The following LRRC27 variants were observed in gnomAD, a reference collection of about 807,000 sequenced individuals.
LRRC27 encodes leucine-rich repeat-containing protein 27.
LRRC27 carries 57 observed loss-of-function variants against 55.0 expected under a neutral mutation model. The observed-to-expected ratio is 1.04, with a 90% CI of 0.84 to 1.29. LRRC27 has a LOEUF of 1.29. Among genes scored for constraint, LRRC27 ranks in the 50% most tolerant of loss-of-function variants. LRRC27 has a pLI of 0.00. For missense variants in LRRC27, 721 were observed against 651.5 expected, an observed-to-expected ratio of 1.11 and a Z score of -1.16; for synonymous variants, 278 against 251.9, an observed-to-expected ratio of 1.10 and a Z score of -0.98.
chr10:132,364,497 C>CCACA (rs1564853743), intron 9 of LRRC27, among the ~76,000 whole-genome samples: 8 of 16,158 alleles, frequency 5.0e-4, no homozygotes, highest in African/African-American at 8.8e-4. Context: ...TTACACCCAC[C>CCACA]CTTACATCTA....
intron 9 of LRRC27, 94 bp from the exon 10 acceptor site, chr10:132,365,330 G>A (rs1291232473): frequency 1.3e-6 from 2 of 1,540,510 alleles, no homozygotes; most frequent in Non-Finnish European, 1.8e-6. Context: ...GGTCTGGGAA[G>A]AAAGGCACAT....
chr10:132,353,108 C>A, intron 7 of LRRC27: 1 of 1,485,398 alleles, frequency 6.7e-7, no homozygotes, highest in East Asian at 2.5e-5. Context: ...ACAGCCACAG[C>A]ACCCCCGTGC....
intron 8 of LRRC27, among the ~76,000 whole-genome samples, chr10:132,356,455 G>A (rs371357674): frequency 6.7e-5 from 8 of 119,832 alleles, no homozygotes; most frequent in South Asian, 3.2e-4. Context: ...CCTGAGTACC[G>A]TCCCCCAAGA....
chr10:132,363,706 A>T (rs2474335), intron 9 of LRRC27, among the ~76,000 whole-genome samples: 52,598 of 152,124 alleles, frequency 0.35, 9,684 homozygotes, highest in Non-Finnish European at 0.41. Context: ...TGGAAGGCCC[A>T]GGGCCTGGCC....
intron 7 of LRRC27, 67 bp from the exon 8 acceptor site, chr10:132,355,723 A>G (rs1211948571): frequency 8.3e-7 from 1 of 1,202,958 alleles, no homozygotes; most frequent in Non-Finnish European, 1.2e-6. Flanking sequence ...GTAGAATGAC[A>G]GAGGAATCCT....
intron 7 of LRRC27, among the ~76,000 whole-genome samples, chr10:132,355,561 G>A (rs2068268580): frequency 6.6e-6 from 1 of 152,166 alleles, no homozygotes; most frequent in South Asian, 2.1e-4. Context: ...GTCACTGCTG[G>A]CAGCACCGAC....
chr10:132,330,518 CTTTTT>C, upstream of LRRC27: 1 of 700,358 alleles, frequency 1.4e-6, no homozygotes. Flanking sequence ...TGTACGAAAA[CTTTTT>C]TTTTGAGACA....
Position 132,355,832 on chromosome 10 carries a change from G to A in LRRC27, c.1116G>A (p.Arg372=). 1 of 1,558,736 alleles carries A rather than the reference G, an allele frequency of 6.4e-7. No homozygotes were observed. The highest frequency in any genetic ancestry group is 8.7e-7 in the Non-Finnish European group (1 of 1,151,042). The change falls in exon 8 of 11, where the codon AGG becomes AGA. Residue 372 remains arginine (R), a synonymous_variant. Coordinates refer to ENST00000368614, the MANE Select transcript of LRRC27 (RefSeq NM_030626.3). ...AGGAGTGGAGAGAGCGAGCCCAGAG[G>A]ATGAGGAAGAGGAAGGAAGAGCTCA... The part of the protein sequence containing the change: ...ALQEWRERAQ[R]MRKRKEELSK...
rs897039344 is a variant in LRRC27, at chr10:132,359,158, G to A, written c.1171-2299G>A. 1.6e-4 allele frequency among the ~76,000 whole-genome samples: 25 copies of A among 151,516 alleles called. 1 individual carries two copies. Among genetic ancestry groups the A allele is most frequent in the African/African-American group, 5.1e-4 (21 of 41,290 alleles). On this transcript the variant is annotated intron_variant, in intron 8 of 10. Coordinates refer to ENST00000368614, the MANE Select transcript of LRRC27 (RefSeq NM_030626.3). The stretch of plus-strand genomic sequence containing the variant: ...GAAGGAGCCGAGGTGGTGGAGCAGC[G>A]TGGGGAGGTGCTGAGGTGGTGGAGC...
rs752185658 is a variant in LRRC27, at chr10:132,337,551, C to G, written c.211-14C>G. The G allele has an allele frequency of 6.2e-7, 1 of 1,609,668 alleles. No individual in the cohort carries two copies. The highest frequency in any genetic ancestry group is 8.5e-7 in the Non-Finnish European group (1 of 1,178,174). ...GGTTAACAAAACATTCTCTGATTCT[C>G]TTTTCCATGGAAGCAATTGCATCTG... On this transcript the variant is annotated splice_polypyrimidine_tract_variant and intron_variant, in intron 2 of 10. Transcript: ENST00000368614.
intron 3 of LRRC27, among the ~76,000 whole-genome samples, chr10:132,340,118 T>A (rs1306489585): frequency 6.6e-6 from 1 of 152,232 alleles, no homozygotes; most frequent in Non-Finnish European, 1.5e-5. Flanking sequence ...GTAGGAAGCA[T>A]GGATCCGTTC....
At chr10:132,339,444 G>T (rs1379206058) in intron 3 of LRRC27, among the ~76,000 whole-genome samples, 1 of 152,248 alleles carries the variant, frequency 6.6e-6, no homozygotes, top group African/African-American at 2.4e-5. Flanking sequence ...CACACCCGGT[G>T]CATCTCCATG....
intron 7 of LRRC27, 83 bp from the exon 8 acceptor site, chr10:132,355,707 A>G: frequency 9.3e-7 from 1 of 1,076,880 alleles, no homozygotes; most frequent in East Asian, 2.7e-5. Flanking sequence ...GGTGCACCGC[A>G]AGGCTGTAGA....
At chr10:132,354,032 G>A (rs2068191665) in intron 7 of LRRC27, among the ~76,000 whole-genome samples, 1 of 152,222 alleles carries the variant, frequency 6.6e-6, no homozygotes, top group Non-Finnish European at 1.5e-5. Flanking sequence ...GAGGCTGCCT[G>A]TGGGAGTCCC....
At chr10:132,371,444 G>A (rs940186263) in intron 10 of LRRC27, among the ~76,000 whole-genome samples, 9 of 152,182 alleles carry the variant, frequency 5.9e-5, no homozygotes, top group East Asian at 1.9e-4. Context: ...CCAGGTCAAC[G>A]CGGCCCATTC....
intron 2 of LRRC27, among the ~76,000 whole-genome samples, chr10:132,334,218 G>A (rs1001824308): frequency 6.6e-6 from 1 of 152,226 alleles, no homozygotes; most frequent in Non-Finnish European, 1.5e-5. Flanking sequence ...TGAGGGCACA[G>A]GTTTGATGTT....
Position 132,374,008 on chromosome 10 carries a change from C to G in LRRC27, c.1417-1058C>G, listed in dbSNP as rs2069281952. Among the ~76,000 whole-genome samples, 1 of 152,238 alleles carries G rather than the reference C, an allele frequency of 6.6e-6. No individual in the cohort carries two copies. Among genetic ancestry groups the G allele is most frequent in the South Asian group, 2.1e-4 (1 of 4,822 alleles). ...CATTGACCAAGTCGCAGAGCTGAGC[C>G]GTGAGTGCTGCTCTAGCCCACAGTT... On this transcript the variant is annotated intron_variant, in intron 10 of 10. Coordinates refer to ENST00000368614, the MANE Select transcript of LRRC27 (RefSeq NM_030626.3). This position sits in a 1 kb window ranked among gnomAD's most constrained non-coding sequence, Gnocchi z 4.4.
chr10:132,334,310 G>A (rs553786489), intron 2 of LRRC27, among the ~76,000 whole-genome samples: 1 of 152,214 alleles, frequency 6.6e-6, no homozygotes, highest in Non-Finnish European at 1.5e-5. Flanking sequence ...GTTTAATCTG[G>A]AATGTCGGAA....
Position 132,361,505 on chromosome 10 carries a change from G to A in LRRC27, c.1219G>A (p.Val407Ile), listed in dbSNP as rs2068613520. ...SATDLIDNRK[V>I]PLNPPGKMKP... The stretch of plus-strand genomic sequence containing the variant: ...CACAGATCTGATAGATAACAGGAAA[G>A]TACCACTGAATCCGCCTGGAAAAAT... The change falls in exon 9 of 11, where the codon GTA becomes ATA. Residue 407 changes from valine to isoleucine, a missense_variant. Transcript: ENST00000368614. The A allele has an allele frequency of 6.2e-7, 1 of 1,613,974 alleles. No individual in the cohort carries two copies. Among genetic ancestry groups the A allele is most frequent in the South Asian group, 1.1e-5 (1 of 91,090 alleles).
Sources: allele counts gnomAD v4.1 joint callset (sites outside exome capture counted in the v4.1 genomes callset), GRCh38; gene constraint gnomAD v4.1.1; non-coding constraint Gnocchi (gnomAD v3.1); transcripts MANE v1.5; gene names NCBI Gene and HGNC (gene_info 2026-07-23, HGNC 2026-07-21).